SLC25A26: variants seen among roughly 807,000 people sequenced by gnomAD.
SLC25A26 encodes mitochondrial S-adenosylmethionine carrier protein.
Under a neutral mutation model 37.8 loss-of-function variants are expected in SLC25A26, and 36 were observed. The ratio of observed to expected loss-of-function variants is 0.95; its 90% CI spans 0.73 to 1.26. The LOEUF is 1.26. Ranked by LOEUF, SLC25A26 falls within the 50% of genes most tolerant of loss-of-function variation. SLC25A26 has a pLI of 0.00. For synonymous variants in SLC25A26, 129 were observed against 122.5 expected (o/e 1.05, Z -0.35); for missense variants, 390 against 331.1 (o/e 1.18, Z -1.38).
intron 1 of SLC25A26, among the ~76,000 whole-genome samples, chr3:66,213,081 G>T (rs2071307456): frequency 2.0e-5 from 3 of 152,186 alleles, no homozygotes; most frequent in Non-Finnish European, 4.4e-5. Flanking sequence ...ACTAAGGAAT[G>T]TTACCATTGG....
rs543280745 is a variant in SLC25A26 at position 66,242,583 on chromosome 3, T to C, written c.191-620T>C. Among the ~76,000 whole-genome samples the C allele has an allele frequency of 3.3e-5, 5 of 152,326 alleles. No homozygotes were observed. The South Asian group carries it at 8.3e-4, about 25-fold the overall frequency. ...TTATCTTTTATCCAACTGATAAACA[T>C]TTTTTGGTTAACAGTACATAGAAAG... On this transcript the variant is annotated intron_variant, in intron 2 of 9. Coordinates refer to ENST00000354883, the MANE Select transcript of SLC25A26 (RefSeq NM_001379210.1).
intron 5 of SLC25A26, among the ~76,000 whole-genome samples, chr3:66,338,268 T>C (rs577248462): frequency 1.3e-5 from 2 of 152,216 alleles, no homozygotes; most frequent in South Asian, 4.1e-4. Flanking sequence ...TTAGCTGTTG[T>C]GATTAAAGCT....
intron 1 of SLC25A26, among the ~76,000 whole-genome samples, chr3:66,196,145 C>T (rs2071041532): frequency 6.8e-6 from 1 of 146,078 alleles, no homozygotes; most frequent in African/African-American, 2.5e-5. Context: ...AGTAATCAGT[C>T]TGTTTTTTTT....
intron 5 of SLC25A26, among the ~76,000 whole-genome samples, chr3:66,293,484 T>C (rs2074785220): frequency 6.6e-6 from 1 of 151,948 alleles, no homozygotes; most frequent in African/African-American, 2.4e-5. Context: ...GCCACCCAGG[T>C]ACTAAGTCTT....
intron 1 of SLC25A26, among the ~76,000 whole-genome samples, chr3:66,210,478 A>G (rs950566030): frequency 2.6e-5 from 4 of 152,036 alleles, no homozygotes; most frequent in Non-Finnish European, 5.9e-5. Context: ...GGGTTGGCAT[A>G]TGCAAATGTC....
chr3:66,234,562 G>A (rs997480938), intron 1 of SLC25A26, among the ~76,000 whole-genome samples: 3 of 152,146 alleles, frequency 2.0e-5, no homozygotes, highest in African/African-American at 7.2e-5. Context: ...ACTATTTATA[G>A]TAATGTACTT....
chr3:66,220,457 G>C (rs1218731769), upstream of SLC25A26, among the ~76,000 whole-genome samples: 1 of 152,096 alleles, frequency 6.6e-6, no homozygotes, highest in African/African-American at 2.4e-5. Flanking sequence ...GTAAATAACT[G>C]AACAAACAAA....
chr3:66,249,498 G>A (rs1224983242), intron 3 of SLC25A26, among the ~76,000 whole-genome samples: 1 of 152,166 alleles, frequency 6.6e-6, no homozygotes, highest in African/African-American at 2.4e-5. Flanking sequence ...AAGCTGTTTT[G>A]TTTATCTACT....
At chr3:66,316,215 G>T (rs79346306) in intron 5 of SLC25A26, among the ~76,000 whole-genome samples, 1,701 of 152,242 alleles carry the variant, frequency 0.011, 46 homozygotes, top group African/African-American at 0.039. Context: ...CATGTCACTG[G>T]CCTGTGTACT....
rs1406720052 is a variant in SLC25A26, at chr3:66,209,102, A to G, written c.-353-11640A>G. 2.7e-5 allele frequency among the ~76,000 whole-genome samples: 3 copies of G among 109,354 alleles called. No homozygotes were observed. The Admixed American group carries it at 3.3e-4, about 12-fold the overall frequency. 71.7% of individuals were successfully genotyped at this position (109,354 alleles called of 152,430 possible). On this transcript the variant is annotated intron_variant, in intron 1 of 10. Transcript: ENST00000676754. ...CCCATATAAAGATGTATATATATAT[A>G]TATATATATATACACAAAAAGATAT...
chr3:66,221,638 A>G lies in SLC25A26; in HGVS notation c.33+511A>G, dbSNP rs557518468. ...CTGCTCCAAGCCTAGGCTTTGGAGAAATATTGGTGAGCACACATAGCTCAT... is the reference window on the plus strand; with the variant it reads ...CTGCTCCAAGCCTAGGCTTTGGAGAGATATTGGTGAGCACACATAGCTCAT... On this transcript the variant is annotated intron_variant, in intron 1 of 9. Coordinates refer to ENST00000354883, the MANE Select transcript of SLC25A26 (RefSeq NM_001379210.1). Among the ~76,000 whole-genome samples, 5 of 152,046 alleles carry G rather than the reference A, an allele frequency of 3.3e-5. No individual in the cohort carries two copies. The East Asian group carries it at 5.8e-4, about 18-fold the overall frequency.
At chr3:66,176,152 C>T (rs569050632) in intron 1 of SLC25A26, among the ~76,000 whole-genome samples, 3 of 152,246 alleles carry the variant, frequency 2.0e-5, no homozygotes, top group African/African-American at 7.2e-5. Context: ...TGGTACCCTA[C>T]CCAGTTGTTA....
chr3:66,222,521 A>T (rs142715515), intron 1 of SLC25A26, among the ~76,000 whole-genome samples: 85,921 of 152,194 alleles, frequency 0.56, 27,055 homozygotes, highest in Middle Eastern at 0.82. Flanking sequence ...CTAGCTGGTG[A>T]CACAGCAGCA....
intron 1 of SLC25A26, among the ~76,000 whole-genome samples, chr3:66,188,821 T>C (rs2070880965): frequency 6.6e-6 from 1 of 151,696 alleles, no homozygotes; most frequent in South Asian, 2.1e-4. Flanking sequence ...CAAACATTAC[T>C]GTCCTTGATA....
intron 5 of SLC25A26, among the ~76,000 whole-genome samples, chr3:66,313,838 C>T (rs1420344257): frequency 6.6e-6 from 1 of 152,146 alleles, no homozygotes; most frequent in Admixed American, 6.5e-5. Context: ...TCCTTCACGT[C>T]CCTTGCTAGC....
chr3:66,349,605 A>G (rs2076404238), intron 6 of SLC25A26, among the ~76,000 whole-genome samples: 1 of 151,960 alleles, frequency 6.6e-6, no homozygotes, highest in Non-Finnish European at 1.5e-5. Flanking sequence ...TCACTAGTTT[A>G]TATACATTGA....
Position 66,208,546 on chromosome 3 carries a change from C to T in SLC25A26, c.-353-12196C>T, listed in dbSNP as rs952902813. ...AGCAGGACAACCCACTTTTCCGGGACCCTCCCTGTAGCAGAGAGCTATTCT... is the reference window on the plus strand; with the variant it reads ...AGCAGGACAACCCACTTTTCCGGGATCCTCCCTGTAGCAGAGAGCTATTCT... On this transcript the variant is annotated intron_variant, in intron 1 of 10. Coordinates refer to the SLC25A26 transcript ENST00000676754. Among the ~76,000 whole-genome samples, 16 of 151,294 alleles carry T rather than the reference C, an allele frequency of 1.1e-4. No homozygotes were observed. In the East Asian group the frequency reaches 2.9e-3, roughly 28 times the overall value.
intron 1 of SLC25A26, among the ~76,000 whole-genome samples, chr3:66,157,335 A>G (rs1485977632): frequency 3.9e-5 from 6 of 152,210 alleles, no homozygotes; most frequent in Non-Finnish European, 5.9e-5. Flanking sequence ...CATGCCTGTA[A>G]TCCTAGCACT....
rs1041610469 is a variant in SLC25A26 at position 66,243,140 on chromosome 3, G to C, written c.191-63G>C. On this transcript the variant is annotated intron_variant, in intron 2 of 9. Coordinates refer to ENST00000354883, the MANE Select transcript of SLC25A26 (RefSeq NM_001379210.1). Reference sequence around the variant, plus strand: ...TATTGTCATACTTTTTGAGAAACATGTTTCTTAACAGTGTGAATATATGTT... The same window carrying C: ...TATTGTCATACTTTTTGAGAAACATCTTTCTTAACAGTGTGAATATATGTT... The C allele has an allele frequency of 2.0e-5, 15 of 767,290 alleles. No individual in the cohort carries two copies. In the African/African-American group the frequency reaches 2.6e-4, roughly 13 times the overall value. 47.5% of individuals were successfully genotyped at this position (767,290 alleles called of 1,614,324 possible). A position where few individuals can be genotyped will look rare whatever the true frequency, so the allele number is the denominator to read the frequency against.
Sources: gnomAD v4.1 joint callset for allele counts (sites outside exome capture counted in the v4.1 genomes callset) on GRCh38, gnomAD v4.1.1 for gene constraint, MANE v1.5 for transcripts, NCBI Gene and HGNC (gene_info 2026-07-23, HGNC 2026-07-21) for gene names.